TEX11: variants seen among roughly 807,000 people sequenced by gnomAD.
TEX11 encodes testis-expressed protein 11.
Under a neutral mutation model 84.4 loss-of-function variants are expected in TEX11, and 7 were observed. The ratio of observed to expected loss-of-function variants is 0.08; its 90% CI spans 0.05 to 0.16. TEX11 has a LOEUF of 0.16. Among genes scored for constraint, TEX11 ranks in the 10% least tolerant of loss-of-function variants. TEX11 has a pLI of 1.00. For missense variants in TEX11, 551 were observed against 660.5 expected (o/e 0.83, Z 1.82); for synonymous variants, 264 against 222.8 (o/e 1.18, Z -1.64).
chrX:70,748,421 G>T (rs755787124), intron 9 of TEX11, among the ~76,000 whole-genome samples: 1 of 111,632 alleles, frequency 9.0e-6, no homozygotes, highest in African/African-American at 3.2e-5. Flanking sequence ...AGTAAAGAAG[G>T]CAAAAAGGAT....
At chrX:70,551,647 T>C (rs1326935251) in intron 28 of TEX11, among the ~76,000 whole-genome samples, 1 of 111,870 alleles carries the variant, frequency 8.9e-6, no homozygotes, top group Non-Finnish European at 1.9e-5. Flanking sequence ...AATTTTATGA[T>C]ATGTGAATTA....
At chrX:70,632,716 A>G (rs2089525114) in intron 17 of TEX11, among the ~76,000 whole-genome samples, 1 of 111,830 alleles carries the variant, frequency 8.9e-6, no homozygotes, top group Admixed American at 9.5e-5. Flanking sequence ...AGAAAAATAG[A>G]GAAGACATAA....
intron 13 of TEX11, among the ~76,000 whole-genome samples, chrX:70,695,613 T>C (rs1260395361): frequency 8.9e-6 from 1 of 112,178 alleles, no homozygotes; most frequent in East Asian, 2.8e-4. Context: ...TGCATTTAAC[T>C]GTAGGTTGAT....
At chrX:70,668,159 GA>G (rs963865992) in intron 16 of TEX11, among the ~76,000 whole-genome samples, 2 of 111,001 alleles carry the variant, frequency 1.8e-5, no homozygotes, top group African/African-American at 3.3e-5. Context: ...CTTAAGGACA[GA>G]AAAAAAATGT....
At chrX:70,851,400 A>G (rs990244900) in intron 7 of TEX11, among the ~76,000 whole-genome samples, 1 of 111,968 alleles carries the variant, frequency 8.9e-6, no homozygotes, top group African/African-American at 3.2e-5. Flanking sequence ...CACATGCAAA[A>G]GAATGAAGTT....
chrX:70,824,641 A>G (rs764772855), intron 8 of TEX11, among the ~76,000 whole-genome samples: 17 of 111,092 alleles, frequency 1.5e-4, no homozygotes, highest in Non-Finnish European at 3.2e-4. Flanking sequence ...AGGACAGCTC[A>G]GAGAACCAGA....
intron 8 of TEX11, among the ~76,000 whole-genome samples, chrX:70,827,997 T>C (rs1254821165): frequency 8.9e-6 from 1 of 111,917 alleles, no homozygotes; most frequent in East Asian, 2.8e-4. Context: ...CAGAGAATTC[T>C]TTCAGATGTT....
At chrX:70,666,867 C>T (rs2089980203) in intron 16 of TEX11, among the ~76,000 whole-genome samples, 1 of 111,430 alleles carries the variant, frequency 9.0e-6, no homozygotes, top group Non-Finnish European at 1.9e-5. Flanking sequence ...TAAAAACAAT[C>T]TTCTCAGTGA....
chrX:70,603,757 G>A (rs1387754502), intron 24 of TEX11, among the ~76,000 whole-genome samples: 23 of 110,565 alleles, frequency 2.1e-4, no homozygotes, highest in African/African-American at 7.5e-4. Flanking sequence ...CCATCAGAGT[G>A]AACAGGCAAC....
intron 2 of TEX11, among the ~76,000 whole-genome samples, chrX:70,885,197 G>T (rs1305960283): frequency 3.6e-5 from 4 of 111,439 alleles, no homozygotes; most frequent in African/African-American, 1.3e-4. Flanking sequence ...TCCTGTACAA[G>T]ACAAGCCCAT....
chrX:70,819,919 G>A (rs6525427), intron 8 of TEX11, among the ~76,000 whole-genome samples: 31,416 of 110,505 alleles, frequency 0.28, 3,626 homozygotes, highest in Admixed American at 0.43. Context: ...GAAATTAAAG[G>A]GCACATAGAT....
At chrX:70,799,900 T>C (rs2147802412) in intron 9 of TEX11, among the ~76,000 whole-genome samples, 1 of 111,793 alleles carries the variant, frequency 8.9e-6, no homozygotes, top group African/African-American at 3.2e-5. Flanking sequence ...CTATTAATCA[T>C]CACTCCTCTT....
intron 2 of TEX11, among the ~76,000 whole-genome samples, chrX:70,898,979 T>G (rs7889714): frequency 8.0e-5 from 9 of 112,111 alleles, no homozygotes; most frequent in African/African-American, 2.9e-4. Flanking sequence ...ATCTGTAAGA[T>G]TTCTGTACAG....
chrX:70,758,096 C>T (rs1439180649), intron 9 of TEX11, among the ~76,000 whole-genome samples: 3 of 111,754 alleles, frequency 2.7e-5, no homozygotes, highest in African/African-American at 9.7e-5. Flanking sequence ...TATATGCACC[C>T]AATACAGCAG....
chrX:70,793,175 A>C (rs976770134), intron 9 of TEX11, among the ~76,000 whole-genome samples: 2 of 111,708 alleles, frequency 1.8e-5, no homozygotes, highest in African/African-American at 3.3e-5. Context: ...CCAATACACT[A>C]GGCATCAAAG....
intron 9 of TEX11, among the ~76,000 whole-genome samples, chrX:70,750,324 G>T: frequency 9.0e-6 from 1 of 111,566 alleles, no homozygotes; most frequent in Admixed American, 9.5e-5. Context: ...CACTGTTGGT[G>T]GGACTGTAAA....
intron 17 of TEX11, among the ~76,000 whole-genome samples, chrX:70,634,014 A>AC (rs1569367191): frequency 1.8e-5 from 2 of 112,377 alleles, no homozygotes; most frequent in Non-Finnish European, 3.7e-5. Flanking sequence ...CTAATAAGTG[A>AC]GTTTACCAAA....
Position 70,664,387 on chromosome X carries a change from T to C in TEX11, c.1380+5990A>G, listed in dbSNP as rs1274662392. Among the ~76,000 whole-genome samples the C allele has an allele frequency of 2.7e-5, 3 of 111,586 alleles. No homozygotes were observed. In the Admixed American group the frequency reaches 2.9e-4, roughly 11 times the overall value. On this transcript the variant is annotated intron_variant, in intron 16 of 29. Coordinates refer to ENST00000374333, the MANE Select transcript of TEX11 (RefSeq NM_031276.3). ...CCTGTTTGTCTTCGTCTTGCTAGAA[T>C]AGGCTCATCATTTCAACCTATTAAG...
chrX:70,552,468 CTTT>C (rs2088228883), intron 27 of TEX11, among the ~76,000 whole-genome samples: 1 of 111,347 alleles, frequency 9.0e-6, no homozygotes, highest in African/African-American at 3.3e-5. Context: ...GTCTTTCATT[CTTT>C]TTTTAGTTTC....
Sources: gnomAD v4.1 joint callset for allele counts (sites outside exome capture counted in the v4.1 genomes callset) on GRCh38, gnomAD v4.1.1 for gene constraint, MANE v1.5 for transcripts, NCBI Gene and HGNC (gene_info 2026-07-23, HGNC 2026-07-21) for gene names.